ZNF451: variants seen among roughly 807,000 people sequenced by gnomAD.
ZNF451 encodes zinc finger protein 451.
Under a neutral mutation model 107.1 loss-of-function variants are expected in ZNF451, and 80 were observed. The observed-to-expected ratio is 0.75, with a 90% CI of 0.62 to 0.90. The LOEUF (loss-of-function observed/expected upper bound fraction) is 0.90, where lower values mean the gene tolerates loss of function less well. ZNF451 is among the 40% of genes least tolerant of loss of function. The pLI, the probability that ZNF451 is intolerant of heterozygous loss-of-function variation, is 0.00. For missense variants in ZNF451, 1,107 were observed against 1,236.2 expected (o/e 0.90, Z 1.57); for synonymous variants, 362 against 406.5 (o/e 0.89, Z 1.32).
At chr6:57,094,138 T>C (rs1291009654) in intron 2 of ZNF451, among the ~76,000 whole-genome samples, 3 of 152,212 alleles carry the variant, frequency 2.0e-5, no homozygotes, top group African/African-American at 7.2e-5. Context: ...GAATCAGTTT[T>C]CTCATAACAG....
rs191745124 is a variant in ZNF451 at position 57,156,273 on chromosome 6, T to C, written c.3070+2226T>C. 6.6e-5 allele frequency among the ~76,000 whole-genome samples: 10 copies of C among 152,288 alleles called. 1 individual carries two copies. The highest frequency in any genetic ancestry group is 4.1e-4 in the South Asian group (2 of 4,822). ...ATGGAAGACTTAAAACCATCAAATTTCCTGTAGTGAACTTTATAAGGAATC... is the reference window on the plus strand; with the variant it reads ...ATGGAAGACTTAAAACCATCAAATTCCCTGTAGTGAACTTTATAAGGAATC... On this transcript the variant is annotated intron_variant, in intron 13 of 14. Transcript: ENST00000370706.
At chr6:57,113,448 C>G (rs1181497413) in intron 3 of ZNF451, among the ~76,000 whole-genome samples, 3 of 151,840 alleles carry the variant, frequency 2.0e-5, no homozygotes, top group African/African-American at 7.3e-5. Context: ...ATTCCGCATT[C>G]CCTTTGAGTT....
In ZNF451 at chr6:57,158,917, C is replaced by T. The variant is rs142692246; in HGVS notation, c.3071-2167C>T. ...TACCAATTACACAGATTTTTAAATC[C>T]ATCTTACATATAGAGCATAAACATT... On this transcript the variant is annotated intron_variant, in intron 13 of 14. Transcript: ENST00000370706. 5.5e-4 allele frequency: 538 copies of T among 985,388 alleles called. 1 individual carries two copies. The African/African-American group carries it at 8.6e-3, about 16-fold the overall frequency. The allele number at this position is 985,388 out of a possible 1,614,324, so 61.0% of individuals were successfully genotyped here.
At chr6:57,124,686 C>G (rs1830835880) in intron 3 of ZNF451, 48 bp from the exon 4 acceptor site, 2 of 1,375,518 alleles carry the variant, frequency 1.5e-6, no homozygotes, top group African/African-American at 1.4e-5. Context: ...GTATATTATC[C>G]AAATGCTAAT....
chr6:57,135,658 A>G lies in ZNF451; in HGVS notation c.702+788A>G, dbSNP rs537748172. ...TTAAATATTCATCGAATCAATGCATACATTTCTACATTTTAAATCATTGAA... is the reference window on the plus strand; with the variant it reads ...TTAAATATTCATCGAATCAATGCATGCATTTCTACATTTTAAATCATTGAA... On this transcript the variant is annotated intron_variant, in intron 7 of 14. Transcript: ENST00000370706. Among the ~76,000 whole-genome samples, 26 of 152,312 alleles carry G rather than the reference A, an allele frequency of 1.7e-4. No homozygotes were observed. The South Asian group carries it at 4.8e-3, about 28-fold the overall frequency.
chr6:57,099,640 C>T, intron 3 of ZNF451: 1 of 638,476 alleles, frequency 1.6e-6, no homozygotes, highest in South Asian at 1.8e-5. Context: ...CTGTGCCCCA[C>T]ATATTTGGAG....
rs1351238425 is a variant in ZNF451, at chr6:57,152,193, T to C, written c.2753-28T>C. On this transcript the variant is annotated intron_variant, in intron 11 of 14. Transcript: ENST00000370706. ...TGGCCTTTCCTCTCCTGTTTGATTA[T>C]CATTTTTGCCTTTTCTAAAATTAAT... 4 of 1,584,656 alleles carry C rather than the reference T, an allele frequency of 2.5e-6. No individual in the cohort carries two copies. In the African/African-American group the frequency reaches 5.4e-5, roughly 22 times the overall value.
At chr6:57,158,790 T>C (rs1763542854) in intron 13 of ZNF451, 1 of 985,356 alleles carries the variant, frequency 1.0e-6, no homozygotes, top group African/African-American at 1.7e-5. Context: ...GCTCCTTAGA[T>C]GGTCTTGTTT....
At chr6:57,138,141 A>AT (rs910690886) in intron 7 of ZNF451, among the ~76,000 whole-genome samples, 4 of 151,966 alleles carry the variant, frequency 2.6e-5, no homozygotes, top group African/African-American at 9.7e-5. Flanking sequence ...TACCTTTTTA[A>AT]TTTTTTTGAA....
intron 3 of ZNF451, chr6:57,108,673 A>G: frequency 1.0e-6 from 1 of 985,444 alleles, no homozygotes; most frequent in Non-Finnish European, 1.2e-6. Flanking sequence ...GGCTTGGAAC[A>G]GCTTCTATAT....
chr6:57,119,154 A>AT (rs913776178), intron 3 of ZNF451, among the ~76,000 whole-genome samples: 1 of 152,176 alleles, frequency 6.6e-6, no homozygotes, highest in African/African-American at 2.4e-5. Context: ...CCCACTTTAG[A>AT]TAAAAATTGG....
chr6:57,136,656 C>G (rs983796267), intron 7 of ZNF451, among the ~76,000 whole-genome samples: 6 of 152,116 alleles, frequency 3.9e-5, no homozygotes, highest in African/African-American at 1.4e-4. Context: ...TCTGCATTTT[C>G]CAGAATTAGA....
intron 13 of ZNF451, chr6:57,158,508 C>A (rs1763532204): frequency 1.0e-6 from 1 of 985,104 alleles, no homozygotes; most frequent in Admixed American, 6.2e-5. Flanking sequence ...TGAATAAACA[C>A]CATCTTTACA....
intron 3 of ZNF451, among the ~76,000 whole-genome samples, chr6:57,118,081 A>G (rs1051524449): frequency 9.2e-5 from 14 of 152,332 alleles, no homozygotes; most frequent in African/African-American, 3.4e-4. Context: ...TGTTTGGTGT[A>G]AGGGTAGCAA....
At chr6:57,126,352 T>G (rs1830927383) in intron 4 of ZNF451, among the ~76,000 whole-genome samples, 1 of 152,150 alleles carries the variant, frequency 6.6e-6, no homozygotes, top group Non-Finnish European at 1.5e-5. Context: ...TTTCTTACTT[T>G]GATTCCCTTT....
chr6:57,149,539 C>T (rs1832247861), intron 10 of ZNF451, among the ~76,000 whole-genome samples: 1 of 152,132 alleles, frequency 6.6e-6, no homozygotes, highest in African/African-American at 2.4e-5. Context: ...GCCACCACAC[C>T]TGACTTAAGT....
At chr6:57,124,308 C>G (rs916867494) in intron 3 of ZNF451, 2 of 650,210 alleles carry the variant, frequency 3.1e-6, no homozygotes. Flanking sequence ...TTTTAACTCT[C>G]AGGCTCGTCC....
rs1214982167 is a variant in ZNF451 at position 57,147,379 on chromosome 6, T to C, written c.1294T>C (p.Ser432Pro). ...SKFSSLKRTM[S>P]IKESSSLECI... ...ATTTTCATCACTTAAAAGAACCATG[T>C]CTATTAAAGAATCTAGCTCACTGGA... Residue 432 changes from serine (S) to proline (P), a missense_variant, in exon 10 of 15, where the codon TCT becomes CCT. Physicochemically the swap from Ser to Pro is moderately conservative, Grantham distance 74. Transcript: ENST00000370706. The C allele has an allele frequency of 2.5e-6, 4 of 1,614,114 alleles. No individual in the cohort carries two copies. The South Asian group carries it at 4.4e-5, about 18-fold the overall frequency.
At chr6:57,127,227 A>G (rs969467934) in intron 4 of ZNF451, among the ~76,000 whole-genome samples, 5 of 152,184 alleles carry the variant, frequency 3.3e-5, no homozygotes, top group Admixed American at 1.3e-4. Flanking sequence ...TGCATACTCT[A>G]TGTATGAAAA....
Sources: gnomAD v4.1 joint callset for allele counts (sites outside exome capture counted in the v4.1 genomes callset) on GRCh38, gnomAD v4.1.1 for gene constraint, MANE v1.5 for transcripts, NCBI Gene and HGNC (gene_info 2026-07-23, HGNC 2026-07-21) for gene names.